CAMKMT: variants seen among roughly 807,000 people sequenced by gnomAD.
The protein encoded by CAMKMT is calmodulin-lysine N-methyltransferase, also known as CaM KMT.
CAMKMT carries 53 observed loss-of-function variants against 48.0 expected under a neutral mutation model. That is an observed-to-expected ratio of 1.10 (90% CI 0.89 to 1.39). The LOEUF (loss-of-function observed/expected upper bound fraction) is 1.39. Among genes scored for constraint, CAMKMT ranks in the 40% most tolerant of loss-of-function variants. The pLI is 0.00. For missense variants in CAMKMT, 428 were observed against 402.7 expected (o/e 1.06, Z -0.54); for synonymous variants, 165 against 152.3 (o/e 1.08, Z -0.61).
intron 3 of CAMKMT, among the ~76,000 whole-genome samples, chr2:44,696,763 G>A: frequency 6.7e-6 from 1 of 150,104 alleles, no homozygotes; most frequent in African/African-American, 2.5e-5. Context: ...ACAAAACCAA[G>A]AAACAGAAAA....
At chr2:44,620,602 A>G (rs925965085) in intron 3 of CAMKMT, among the ~76,000 whole-genome samples, 3 of 152,128 alleles carry the variant, frequency 2.0e-5, no homozygotes, top group Non-Finnish European at 4.4e-5. Context: ...TAATTCCTCA[A>G]CTTGGCCTCT....
intron 3 of CAMKMT, among the ~76,000 whole-genome samples, chr2:44,603,793 T>C (rs1286363583): frequency 6.6e-6 from 1 of 152,232 alleles, no homozygotes; most frequent in East Asian, 1.9e-4. Flanking sequence ...TCAAAGTCAG[T>C]AATTTTTTGA....
At position 44,642,927 on chromosome 2, in the gene CAMKMT, G is replaced by T. The variant is rs556959393; in HGVS notation, c.377-61356G>T. On this transcript the variant is annotated intron_variant, in intron 3 of 10. Transcript: ENST00000378494. ...ATTCTCAGGTAAAGGCTCATATTGA[G>T]TGTCCGCTGTGTTTATGGCATGGTT... Among the ~76,000 whole-genome samples the T allele has an allele frequency of 5.9e-5, 9 of 152,252 alleles. No homozygotes were observed. The South Asian group carries it at 1.9e-3, about 32-fold the overall frequency.
rs568179907 is a variant in CAMKMT, at chr2:44,426,741, A to G, written c.376+36436A>G. Among the ~76,000 whole-genome samples, 185 of 152,324 alleles carry G rather than the reference A, an allele frequency of 1.2e-3. 3 individuals carry two copies. The highest frequency in any genetic ancestry group is 0.012 in the Admixed American group (179 of 15,296). On this transcript the variant is annotated intron_variant, in intron 3 of 10. Coordinates refer to ENST00000378494, the MANE Select transcript of CAMKMT (RefSeq NM_024766.5). ...AAGAATCGATATCATTAAAATGCCCATACTGCCCAAAGCAATTTACAGATT... is the reference window on the plus strand; with the variant it reads ...AAGAATCGATATCATTAAAATGCCCGTACTGCCCAAAGCAATTTACAGATT...
At chr2:44,447,496 C>T (rs529622573) in intron 3 of CAMKMT, among the ~76,000 whole-genome samples, 9 of 152,168 alleles carry the variant, frequency 5.9e-5, no homozygotes, top group South Asian at 2.1e-4. Context: ...ATAAACAGCC[C>T]ATCCCCCCCA....
chr2:44,747,058 C>T (rs1679949260), intron 8 of CAMKMT, among the ~76,000 whole-genome samples: 1 of 152,172 alleles, frequency 6.6e-6, no homozygotes, highest in African/African-American at 2.4e-5. Context: ...CACCCATACC[C>T]TGACCGGCCC....
chr2:44,599,571 A>AT (rs1343829396), intron 3 of CAMKMT, among the ~76,000 whole-genome samples: 4 of 152,086 alleles, frequency 2.6e-5, no homozygotes, highest in Non-Finnish European at 4.4e-5. Flanking sequence ...TGTCAGAAGC[A>AT]TTTTTTTAAA....
intron 3 of CAMKMT, among the ~76,000 whole-genome samples, chr2:44,415,896 A>C (rs534659530): frequency 3.5e-4 from 53 of 152,342 alleles, no homozygotes; most frequent in African/African-American, 1.3e-3. Context: ...GTTATGTTTT[A>C]AATTCAAATA....
At chr2:44,367,649 TGGCA>T (rs59670380) in intron 1 of CAMKMT, among the ~76,000 whole-genome samples, 18,133 of 152,048 alleles carry the variant, frequency 0.12, 3,532 homozygotes, top group African/African-American at 0.41. Context: ...CTCTCCTCTC[TGGCA>T]GGCAGATATA....
intron 3 of CAMKMT, among the ~76,000 whole-genome samples, chr2:44,612,085 C>G (rs1671633734): frequency 6.6e-6 from 1 of 152,192 alleles, no homozygotes; most frequent in Non-Finnish European, 1.5e-5. Context: ...TATGTGATGT[C>G]AAATGTAATT....
chr2:44,766,527 A>C lies in CAMKMT; in HGVS notation c.860A>C (p.Asn287Thr). 6.2e-7 allele frequency: 1 copy of C among 1,614,016 alleles called. No homozygotes were observed. The highest frequency in any genetic ancestry group is 2.2e-5 in the East Asian group (1 of 44,880). ...KAGFCIQRHENYDEHISNFHS... is the reference protein window; with the variant it reads ...KAGFCIQRHETYDEHISNFHS... ...GGTTTCTGTATCCAAAGACATGAAAATTATGATGAACACATTTCAAACTTC... is the reference window on the plus strand; with the variant it reads ...GGTTTCTGTATCCAAAGACATGAAACTTATGATGAACACATTTCAAACTTC... The change falls in exon 10 of 11, where the codon AAT becomes ACT. Residue 287 changes from asparagine (N) to threonine (T), a missense_variant. Asn to Thr is a moderately conservative substitution (Grantham distance 65, BLOSUM62 0). Coordinates refer to ENST00000378494, the MANE Select transcript of CAMKMT (RefSeq NM_024766.5).
intron 3 of CAMKMT, among the ~76,000 whole-genome samples, chr2:44,397,513 A>C (rs1681963692): frequency 6.6e-6 from 1 of 152,150 alleles, no homozygotes; most frequent in Non-Finnish European, 1.5e-5. Context: ...CGGTTGCTAG[A>C]TGGCAATTTC....
At chr2:44,508,497 C>T (rs1242816464) in intron 3 of CAMKMT, among the ~76,000 whole-genome samples, 1 of 152,134 alleles carries the variant, frequency 6.6e-6, no homozygotes, top group Non-Finnish European at 1.5e-5. Flanking sequence ...ATGTTTCTTT[C>T]CTTCCCTCAC....
intron 3 of CAMKMT, among the ~76,000 whole-genome samples, chr2:44,582,304 G>T (rs1033001588): frequency 6.6e-6 from 1 of 152,196 alleles, no homozygotes; most frequent in African/African-American, 2.4e-5. Flanking sequence ...AAAGAAAAGA[G>T]CATAAAAAGG....
In CAMKMT at chr2:44,417,391, TC is replaced by T. The variant is rs530748441; in HGVS notation, c.376+27087del. Among the ~76,000 whole-genome samples, 399 of 152,128 alleles carry T rather than the reference TC, an allele frequency of 2.6e-3. 1 individual carries two copies. The highest frequency in any genetic ancestry group is 9.0e-3 in the African/African-American group (374 of 41,482). On this transcript the variant is annotated intron_variant, in intron 3 of 10. Transcript: ENST00000378494. ...GCCTGGGTGAAAGAGGAAGACTCTG[TC>T]TCAAAAAATAAAAAATAAAAATGAA...
rs532390331 is a variant in CAMKMT, at chr2:44,456,640, A to G, written c.376+66335A>G. On this transcript the variant is annotated intron_variant, in intron 3 of 10. Coordinates refer to ENST00000378494, the MANE Select transcript of CAMKMT (RefSeq NM_024766.5). ...TTCCTTTTTTGTTTAAATGGTAAAT[A>G]TGCCTGGGGAGATGGGACTTATAAG... is the stretch of plus-strand genomic sequence containing the variant. 7 of 1,544,042 alleles carry G rather than the reference A, an allele frequency of 4.5e-6. No individual in the cohort carries two copies. The East Asian group carries it at 1.7e-4, about 38-fold the overall frequency.
chr2:44,612,606 A>G (rs1176571100), intron 3 of CAMKMT, among the ~76,000 whole-genome samples: 1 of 152,222 alleles, frequency 6.6e-6, no homozygotes, highest in Non-Finnish European at 1.5e-5. Flanking sequence ...ACAATACTTT[A>G]TTAGTTCCTA....
chr2:44,557,550 T>G (rs1168980726), intron 3 of CAMKMT, among the ~76,000 whole-genome samples: 1 of 152,212 alleles, frequency 6.6e-6, no homozygotes. Flanking sequence ...GTCAATTAAC[T>G]TATTTCTTCC....
intron 3 of CAMKMT, among the ~76,000 whole-genome samples, chr2:44,621,174 A>G (rs972931133): frequency 6.7e-6 from 1 of 150,156 alleles, no homozygotes; most frequent in Non-Finnish European, 1.5e-5. Flanking sequence ...AGGCTGAGGC[A>G]GGAGAATGGC....
Sources: allele counts gnomAD v4.1 joint callset (sites outside exome capture counted in the v4.1 genomes callset), GRCh38; gene constraint gnomAD v4.1.1; transcripts MANE v1.5; gene names NCBI Gene and HGNC (gene_info 2026-07-23, HGNC 2026-07-21).